ZNF385C: variants seen among roughly 807,000 people sequenced by gnomAD.
ZNF385C encodes the protein CTD-2132N18.2.
In ZNF385C, 28 loss-of-function variants were observed where a neutral mutation model predicts 35.4. The ratio of observed to expected loss-of-function variants is 0.79; its 90% CI spans 0.59 to 1.08. The LOEUF (loss-of-function observed/expected upper bound fraction) is 1.08. Ranked by LOEUF, ZNF385C falls within the 50% of genes least tolerant of loss-of-function variation. ZNF385C has a pLI of 0.00. For synonymous variants in ZNF385C, 248 were observed against 248.2 expected (o/e 1.00, Z 0.01); for missense variants, 605 against 595.6 (o/e 1.02, Z -0.16).
At chr17:42,060,452 C>A (rs925037244) in intron 2 of ZNF385C, among the ~76,000 whole-genome samples, 2 of 152,170 alleles carry the variant, frequency 1.3e-5, no homozygotes, top group African/African-American at 4.8e-5. Context: ...TCTCCACACC[C>A]TGCACACTCC....
intron 1 of ZNF385C, among the ~76,000 whole-genome samples, chr17:42,083,705 G>GTTTT (rs1360873738): frequency 1.7e-5 from 1 of 58,306 alleles, no homozygotes; most frequent in Admixed American, 1.7e-4. Flanking sequence ...TGCTTTTCAA[G>GTTTT]TCTTTTTTTT....
intron 1 of ZNF385C, among the ~76,000 whole-genome samples, chr17:42,096,390 C>T (rs1182958185): frequency 1.3e-5 from 2 of 152,198 alleles, no homozygotes; most frequent in Admixed American, 6.5e-5. Context: ...CTCGGCCCTG[C>T]TGATGCCTCA....
chr17:42,027,572 C>CCCA, intron 8 of ZNF385C, 46 bp downstream of exon 8: 1 of 1,048,354 alleles, frequency 9.5e-7, no homozygotes, highest in Non-Finnish European at 1.4e-6. Context: ...AGCCCACCCT[C>CCCA]TCCCCTCCTG....
chr17:42,031,532 A>C (rs1391929471), intron 5 of ZNF385C, 87 bp downstream of exon 5: 2 of 1,464,646 alleles, frequency 1.4e-6, no homozygotes, highest in Non-Finnish European at 1.8e-6. Flanking sequence ...CAACACAAGC[A>C]AAAAGAATAA....
At position 42,050,355 on chromosome 17, in the gene ZNF385C, G is replaced by A. The variant is rs1196962004; in HGVS notation, c.250+12452C>T. Reference sequence around the variant, plus strand: ...CCTGCTCTGACAGCCCTGGTGAGAAGGGGCTCCCCTGCACCTCTTCTCACG... The same window carrying A: ...CCTGCTCTGACAGCCCTGGTGAGAAAGGGCTCCCCTGCACCTCTTCTCACG... On this transcript the variant is annotated intron_variant, in intron 2 of 8. Transcript: ENST00000692273. This position sits in a 1 kb window ranked among gnomAD's most constrained non-coding sequence, Gnocchi z 5.6. 6.6e-6 allele frequency among the ~76,000 whole-genome samples: 1 copy of A among 152,126 alleles called. No individual in the cohort carries two copies. The highest frequency in any genetic ancestry group is 2.4e-5 in the African/African-American group (1 of 41,428).
intron 1 of ZNF385C, among the ~76,000 whole-genome samples, chr17:42,089,721 T>A (rs1448819362): frequency 2.0e-5 from 3 of 152,322 alleles, no homozygotes; most frequent in Non-Finnish European, 4.4e-5. Context: ...GAAACTCGTG[T>A]CAAGAGCCTG....
In ZNF385C at chr17:42,026,678, C is replaced by G. The variant is rs1555654205; in HGVS notation, c.*219G>C. The stretch of plus-strand genomic sequence containing the variant: ...TTGGGGTCTGTCAGGGTGGGAAATG[C>G]AGGCAAGCCTAGGATTAACCCTGGA... On this transcript the variant is annotated 3_prime_UTR_variant, in exon 9 of 9. Coordinates refer to ENST00000692273, the MANE Select transcript of ZNF385C (RefSeq NM_001392013.1). 6.7e-6 allele frequency: 4 copies of G among 595,766 alleles called. No homozygotes were observed. The highest frequency in any genetic ancestry group is 1.2e-5 in the Non-Finnish European group (4 of 334,762). 36.9% of individuals were successfully genotyped at this position (595,766 alleles called of 1,614,324 possible). A position where few individuals can be genotyped will look rare whatever the true frequency, so the allele number is the denominator to read the frequency against.
At chr17:42,094,925 G>C (rs2053902106) in intron 1 of ZNF385C, among the ~76,000 whole-genome samples, 1 of 152,150 alleles carries the variant, frequency 6.6e-6, no homozygotes. Flanking sequence ...CACCAATAAG[G>C]GACAGTGAGA....
intron 1 of ZNF385C, among the ~76,000 whole-genome samples, chr17:42,078,556 T>A (rs1350977969): frequency 6.6e-6 from 1 of 151,522 alleles, no homozygotes. Flanking sequence ...AGGACCTCAG[T>A]TTGCAGTAAT....
chr17:42,070,071 G>A (rs548805026), intron 1 of ZNF385C, among the ~76,000 whole-genome samples: 9 of 151,826 alleles, frequency 5.9e-5, no homozygotes, highest in South Asian at 2.1e-4. Flanking sequence ...ATAGCAGGGC[G>A]CGGTGGCTCA....
chr17:42,026,936 G>A lies in ZNF385C; in HGVS notation c.1473C>T (p.Val491=), dbSNP rs1555654239. The change falls in exon 9 of 9, where the codon GTC becomes GTT. Residue 491 remains valine, a synonymous_variant. Coordinates refer to ENST00000692273, the MANE Select transcript of ZNF385C (RefSeq NM_001392013.1). ...PALFRTPAGA[V]RPATGPIVLA... is the part of the protein sequence containing the mutation. ...GGACGATAGGTCCTGTGGCAGGGCG[G>A]ACAGCTCCTGCTGGGGTGCGAAACA... is the stretch of plus-strand genomic sequence containing the variant. The A allele has an allele frequency of 6.2e-7, 1 of 1,608,266 alleles. No individual in the cohort carries two copies. The highest frequency in any genetic ancestry group is 8.5e-7 in the Non-Finnish European group (1 of 1,177,200).
intron 1 of ZNF385C, among the ~76,000 whole-genome samples, chr17:42,083,475 G>GGGAT (rs2053771081): frequency 6.6e-6 from 1 of 151,784 alleles, no homozygotes; most frequent in South Asian, 2.1e-4. Context: ...CGAAAGTGTT[G>GGGAT]GGATTACAGG....
chr17:42,047,882 T>C (rs2053201071), intron 2 of ZNF385C, among the ~76,000 whole-genome samples: 1 of 151,810 alleles, frequency 6.6e-6, no homozygotes, highest in Non-Finnish European at 1.5e-5. Context: ...CTCGAACTCC[T>C]GACCTCGTGA....
At chr17:42,085,001 T>C (rs570007553) in intron 1 of ZNF385C, among the ~76,000 whole-genome samples, 5 of 152,230 alleles carry the variant, frequency 3.3e-5, no homozygotes, top group African/African-American at 1.2e-4. Flanking sequence ...CTACTTAAAA[T>C]GTATAAAGAT....
At chr17:42,086,444 G>A (rs1371931441) in intron 1 of ZNF385C, among the ~76,000 whole-genome samples, 1 of 152,034 alleles carries the variant, frequency 6.6e-6, no homozygotes, top group Non-Finnish European at 1.5e-5. Context: ...GCTCACGCCT[G>A]TAATCCTAGC....
intron 1 of ZNF385C, among the ~76,000 whole-genome samples, chr17:42,090,020 C>T (rs144264575): frequency 6.6e-6 from 1 of 152,204 alleles, no homozygotes; most frequent in African/African-American, 2.4e-5. Context: ...TTAAAATATC[C>T]TGTGTCCCTC....
chr17:42,051,826 A>G (rs1409746778), intron 2 of ZNF385C, among the ~76,000 whole-genome samples: 9 of 152,116 alleles, frequency 5.9e-5, no homozygotes, highest in African/African-American at 2.2e-4. Flanking sequence ...AGCATCCTCC[A>G]TGCAGCACTG....
At chr17:42,048,261 G>GA (rs1374618498) in intron 2 of ZNF385C, among the ~76,000 whole-genome samples, 1 of 151,932 alleles carries the variant, frequency 6.6e-6, no homozygotes, top group African/African-American at 2.4e-5. Context: ...TTCTTGGCTG[G>GA]ATGTGGTGGC....
At chr17:42,054,914 G>A (rs2053349030) in intron 2 of ZNF385C, among the ~76,000 whole-genome samples, 1 of 151,832 alleles carries the variant, frequency 6.6e-6, no homozygotes, top group South Asian at 2.1e-4. Context: ...CCCCTCCCAT[G>A]CCCACCCAAG....
Sources: allele counts gnomAD v4.1 joint callset (sites outside exome capture counted in the v4.1 genomes callset), GRCh38; gene constraint gnomAD v4.1.1; non-coding constraint Gnocchi (gnomAD v3.1); transcripts MANE v1.5; gene names NCBI Gene and HGNC (gene_info 2026-07-23, HGNC 2026-07-21).